CXorf58: variants seen among roughly 807,000 people sequenced by gnomAD.
CXorf58 encodes the protein chromosome X open reading frame 58.
Under a neutral mutation model 26.0 loss-of-function variants are expected in CXorf58, and 24 were observed. The ratio of observed to expected loss-of-function variants is 0.92; its 90% CI spans 0.67 to 1.30. The LOEUF (loss-of-function observed/expected upper bound fraction) is 1.30, where lower values mean the gene tolerates loss of function less well. Ranked by LOEUF, CXorf58 falls within the 50% of genes most tolerant of loss-of-function variation. CXorf58 has a pLI of 0.00. For synonymous variants in CXorf58, 87 were observed against 86.1 expected (o/e 1.01, Z -0.06); for missense variants, 236 against 263.9 (o/e 0.89, Z 0.73).
intron 7 of CXorf58, among the ~76,000 whole-genome samples, chrX:23,935,641 G>A (rs1223889298): frequency 8.9e-6 from 1 of 111,962 alleles, no homozygotes; most frequent in Non-Finnish European, 1.9e-5. Context: ...GCAGCTCAGT[G>A]TAGCTGGAGG....
intron 5 of CXorf58, among the ~76,000 whole-genome samples, chrX:23,926,746 C>T (rs1448914354): frequency 8.9e-6 from 1 of 112,572 alleles, no homozygotes; most frequent in Non-Finnish European, 1.9e-5. Context: ...GATGGCCTGG[C>T]GCGGTGGCTC....
At chrX:23,935,778 C>CT (rs779736739) in intron 7 of CXorf58, among the ~76,000 whole-genome samples, 4,536 of 101,890 alleles carry the variant, frequency 0.045, 267 homozygotes, top group African/African-American at 0.15. Context: ...GCGTAGTTGC[C>CT]TTTTTTTTTT....
At chrX:23,927,499 A>G in intron 6 of CXorf58, 129 bp downstream of exon 6, 2 of 245,627 alleles carry the variant, frequency 8.1e-6, no homozygotes, top group South Asian at 4.6e-4. Flanking sequence ...TTATTGTATT[A>G]TATTTTATTT....
At chrX:23,929,869 T>C (rs1928114486) in intron 6 of CXorf58, among the ~76,000 whole-genome samples, 2 of 111,583 alleles carry the variant, frequency 1.8e-5, no homozygotes, top group East Asian at 5.6e-4. Context: ...CCAGTTCTCA[T>C]TTACCATTCT....
intron 3 of CXorf58, among the ~76,000 whole-genome samples, chrX:23,913,533 T>C (rs749741295): frequency 1.9e-4 from 21 of 110,743 alleles, no homozygotes; most frequent in Non-Finnish European, 3.0e-4. Context: ...CTGAAAAAAA[T>C]AATAAAGTCT....
intron 5 of CXorf58, among the ~76,000 whole-genome samples, chrX:23,921,673 G>T (rs1396256735): frequency 9.0e-6 from 1 of 110,972 alleles, no homozygotes; most frequent in Admixed American, 9.7e-5. Flanking sequence ...TTTGTTTTTT[G>T]TGTTTTTGTT....
intron 1 of CXorf58, among the ~76,000 whole-genome samples, chrX:23,909,354 G>C (rs1351600534): frequency 9.0e-6 from 1 of 111,209 alleles, no homozygotes; most frequent in Non-Finnish European, 1.9e-5. Flanking sequence ...TGATGACTTT[G>C]TCATCAATGG....
intron 5 of CXorf58, among the ~76,000 whole-genome samples, chrX:23,923,629 ACT>A (rs1257149869): frequency 2.1e-5 from 2 of 96,573 alleles, no homozygotes; most frequent in Non-Finnish European, 4.1e-5. Context: ...ATAGAGGGAG[ACT>A]CTGTCTCAGA....
chrX:23,912,143 G>T (rs768946136), intron 3 of CXorf58, among the ~76,000 whole-genome samples: 3 of 110,335 alleles, frequency 2.7e-5, no homozygotes, highest in Admixed American at 9.7e-5. Flanking sequence ...AGTAGCGATG[G>T]GGTTTCACCA....
In CXorf58 at chrX:23,929,423, GAAAAAGAAAAAAAAA is replaced by G. The variant is rs1928102048; in HGVS notation, c.555+2054_555+2068del. ...TGTGTCTCAAAAAAAAAAAAAAAAA[GAAAAAGAAAAAAAAA>G]GAAAAACCAGCCACAATATTCCCTT... On this transcript the variant is annotated intron_variant, in intron 6 of 8. Transcript: ENST00000379211. 3.8e-5 allele frequency among the ~76,000 whole-genome samples: 3 copies of G among 78,727 alleles called. No homozygotes were observed. The South Asian group carries it at 3.6e-3, about 96-fold the overall frequency. The allele number at this position is 78,727 out of a possible 115,157, so 68.4% of individuals were successfully genotyped here.
intron 6 of CXorf58, among the ~76,000 whole-genome samples, chrX:23,930,925 CA>C (rs776690723): frequency 2.3e-4 from 25 of 110,509 alleles, no homozygotes; most frequent in African/African-American, 8.4e-4. Flanking sequence ...AAAGTATGTA[CA>C]TTTTTTTTTA....
intron 5 of CXorf58, among the ~76,000 whole-genome samples, chrX:23,920,886 C>T (rs1320594900): frequency 1.1e-4 from 10 of 92,802 alleles, no homozygotes; most frequent in Admixed American, 2.5e-4. Context: ...AGCAAAACTC[C>T]GTCCAAAAAA....
At chrX:23,910,197 AC>A in intron 1 of CXorf58, 85 bp from the exon 2 acceptor site, 3 of 455,554 alleles carry the variant, frequency 6.6e-6, no homozygotes, top group Non-Finnish European at 7.4e-6. Flanking sequence ...CAGAATTAGT[AC>A]AACAATCATA....
chrX:23,933,342 C>T (rs1928213115), intron 6 of CXorf58, among the ~76,000 whole-genome samples: 1 of 111,006 alleles, frequency 9.0e-6, no homozygotes, highest in South Asian at 3.7e-4. Context: ...CACTGTAGCT[C>T]CTCCTGCCCT....
At chrX:23,926,436 T>C (rs930043887) in intron 5 of CXorf58, among the ~76,000 whole-genome samples, 2 of 111,178 alleles carry the variant, frequency 1.8e-5, no homozygotes, top group African/African-American at 6.5e-5. Context: ...GAATGAAGTC[T>C]GAAGGGAGGG....
chrX:23,908,122 A>G lies in CXorf58; in HGVS notation c.-228A>G, dbSNP rs73625190. On this transcript the variant is annotated 5_prime_UTR_variant, in exon 1 of 9. Coordinates refer to ENST00000379211, the MANE Select transcript of CXorf58 (RefSeq NM_152761.3). ...GGCGTGTACTGGGATTTCTGTGAGC[A>G]GAGGCTGCCGAGAGGGGGCGCTTGG... is the stretch of plus-strand genomic sequence containing the variant. 1.4e-3 allele frequency: 166 copies of G among 121,351 alleles called. No individual in the cohort carries two copies. The highest frequency in any genetic ancestry group is 5.1e-3 in the African/African-American group (160 of 31,672). The allele number at this position is 121,351 out of a possible 1,213,427, so 10.0% of individuals were successfully genotyped here. A position where few individuals can be genotyped will look rare whatever the true frequency, so the allele number is the denominator to read the frequency against.
chrX:23,939,413 G>A lies in CXorf58; in HGVS notation c.*110G>A, dbSNP rs967322192. 4.1e-5 allele frequency: 22 copies of A among 535,627 alleles called. No individual in the cohort carries two copies. Among genetic ancestry groups the A allele is most frequent in the Middle Eastern group, 3.3e-4 (1 of 2,991 alleles). The allele number at this position is 535,627 out of a possible 1,213,427, so 44.1% of individuals were successfully genotyped here. On this transcript the variant is annotated 3_prime_UTR_variant, in exon 9 of 9. Coordinates refer to ENST00000379211, the MANE Select transcript of CXorf58 (RefSeq NM_152761.3). ...GCTGGTGATTCTCCATCATGATAAT[G>A]AACAGTTAATTGACAGAAAACCAAA...
chrX:23,916,121 T>G (rs1470206577), intron 4 of CXorf58, 96 bp from the exon 5 acceptor site: 3 of 493,116 alleles, frequency 6.1e-6, no homozygotes, highest in Non-Finnish European at 1.0e-5. Flanking sequence ...TTACCCTGTA[T>G]GCAAGAAACT....
At chrX:23,927,703 G>A (rs1024538974) in intron 6 of CXorf58, among the ~76,000 whole-genome samples, 1 of 110,392 alleles carries the variant, frequency 9.1e-6, no homozygotes, top group African/African-American at 3.3e-5. Flanking sequence ...CAAGTATTAG[G>A]CCTAGTATCC....
Sources: allele counts gnomAD v4.1 joint callset (sites outside exome capture counted in the v4.1 genomes callset), GRCh38; gene constraint gnomAD v4.1.1; transcripts MANE v1.5; gene names NCBI Gene and HGNC (gene_info 2026-07-23, HGNC 2026-07-21).